The following CAMK4 variants were observed in gnomAD, a reference collection of about 807,000 sequenced individuals.
The protein encoded by CAMK4 is calcium/calmodulin-dependent protein kinase type IV.
Under a neutral mutation model 44.9 loss-of-function variants are expected in CAMK4, and 22 were observed. That is an observed-to-expected ratio of 0.49 (90% CI 0.35 to 0.70). The LOEUF is 0.70. CAMK4 is among the 30% of genes least tolerant of loss of function. CAMK4 has a pLI of 0.01. For synonymous variants in CAMK4, 218 were observed against 215.4 expected, an observed-to-expected ratio of 1.01 and a Z score of -0.11; for missense variants, 498 against 586.8, an observed-to-expected ratio of 0.85 and a Z score of 1.56.
intron 4 of CAMK4, among the ~76,000 whole-genome samples, chr5:111,381,837 TC>T (rs1751427518): frequency 6.6e-6 from 1 of 152,208 alleles, no homozygotes; most frequent in Non-Finnish European, 1.5e-5. Flanking sequence ...TAAATTTTTT[TC>T]ACAGACACTA....
chr5:111,224,597 C>G lies in CAMK4; in HGVS notation c.114C>G (p.Asn38Lys), dbSNP rs1490965209. The G allele has an allele frequency of 6.2e-7, 1 of 1,612,094 alleles. No individual in the cohort carries two copies. The highest frequency in any genetic ancestry group is 2.2e-5 in the East Asian group (1 of 44,728). ...CGGATTACTGGATCGACGGCTCCAA[C>G]AGGGATGCGCTGAGCGATTTCTTCG... ...LVPDYWIDGS[N>K]RDALSDFFEV... The change falls in exon 1 of 11, where the codon AAC becomes AAG. Residue 38 changes from asparagine to lysine, a missense_variant. This residue lies in a region of CAMK4 where 152 missense variants were observed against 143.7 expected (regional missense o/e 1.06). Coordinates refer to ENST00000282356, the MANE Select transcript of CAMK4 (RefSeq NM_001744.6). This position sits in a 1 kb window ranked among gnomAD's most constrained non-coding sequence, Gnocchi z 5.7.
At chr5:111,398,823 A>G (rs930914732) in intron 5 of CAMK4, among the ~76,000 whole-genome samples, 1 of 152,180 alleles carries the variant, frequency 6.6e-6, no homozygotes, top group Non-Finnish European at 1.5e-5. Flanking sequence ...GCTAAAACCT[A>G]GAATTCACCT....
At chr5:111,284,862 T>C (rs1384619767) in intron 1 of CAMK4, among the ~76,000 whole-genome samples, 4 of 152,216 alleles carry the variant, frequency 2.6e-5, no homozygotes, top group Non-Finnish European at 5.9e-5. Flanking sequence ...TCCTGATTTA[T>C]TTATCTTTTT....
intron 5 of CAMK4, among the ~76,000 whole-genome samples, chr5:111,415,143 A>G (rs1055333579): frequency 5.3e-5 from 8 of 152,210 alleles, no homozygotes; most frequent in Non-Finnish European, 1.2e-4. Flanking sequence ...AAATTACTAA[A>G]TGAAAAGTTC....
chr5:111,415,219 T>A (rs1752774506), intron 5 of CAMK4, among the ~76,000 whole-genome samples: 1 of 152,222 alleles, frequency 6.6e-6, no homozygotes, highest in Admixed American at 6.5e-5. Flanking sequence ...AATGAAATTT[T>A]GCGCCTCTGG....
chr5:111,460,941 G>A (rs1754622892), intron 7 of CAMK4, among the ~76,000 whole-genome samples: 1 of 151,866 alleles, frequency 6.6e-6, no homozygotes. Context: ...ATAAGATGAG[G>A]GAAATAAACA....
chr5:111,313,297 C>T (rs1370623431), intron 1 of CAMK4, among the ~76,000 whole-genome samples: 1 of 152,132 alleles, frequency 6.6e-6, no homozygotes, highest in African/African-American at 2.4e-5. Flanking sequence ...GCTGAATGTT[C>T]TCACTGTTCT....
chr5:111,397,784 G>A (rs1474183644), intron 5 of CAMK4, among the ~76,000 whole-genome samples: 1 of 151,678 alleles, frequency 6.6e-6, no homozygotes, highest in Non-Finnish European at 1.5e-5. Flanking sequence ...TCCTTTCTGG[G>A]ACAGTAGCAC....
intron 2 of CAMK4, among the ~76,000 whole-genome samples, chr5:111,369,562 A>G (rs148395697): frequency 0.011 from 1,747 of 152,270 alleles, 18 homozygotes; most frequent in Non-Finnish European, 0.018. Flanking sequence ...TTGTTTTGCA[A>G]ATCTCTTTAC....
At chr5:111,227,557 T>G (rs931354686) in intron 1 of CAMK4, among the ~76,000 whole-genome samples, 3 of 152,142 alleles carry the variant, frequency 2.0e-5, no homozygotes, top group Non-Finnish European at 4.4e-5. Context: ...CGGTGACCAC[T>G]GGGGCGATAC....
chr5:111,381,282 G>A (rs576612990), intron 4 of CAMK4, among the ~76,000 whole-genome samples: 55 of 152,180 alleles, frequency 3.6e-4, no homozygotes, highest in African/African-American at 1.3e-3. Context: ...ATTGACTCAC[G>A]CAGTCACAAG....
Position 111,296,002 on chromosome 5 carries a change from C to T in CAMK4, c.162-48022C>T, listed in dbSNP as rs534068894. Among the ~76,000 whole-genome samples the T allele has an allele frequency of 3.1e-4, 47 of 152,246 alleles. No individual in the cohort carries two copies. In the South Asian group the frequency reaches 8.9e-3, roughly 29 times the overall value. The stretch of plus-strand genomic sequence containing the variant: ...TGTATTAATGGTATAATATGATGAC[C>T]ATATATTCTCCTAGCTTTTTCATTT... On this transcript the variant is annotated intron_variant, in intron 1 of 10. Transcript: ENST00000282356.
chr5:111,425,077 G>A (rs1299197206), intron 5 of CAMK4, among the ~76,000 whole-genome samples: 1 of 151,316 alleles, frequency 6.6e-6, no homozygotes, highest in Non-Finnish European at 1.5e-5. Context: ...GTGGGAGGAT[G>A]GCTTGAATTC....
chr5:111,257,243 A>G (rs531336841), intron 1 of CAMK4, among the ~76,000 whole-genome samples: 14 of 152,362 alleles, frequency 9.2e-5, no homozygotes, highest in Non-Finnish European at 1.5e-4. Flanking sequence ...AATTTTTACC[A>G]TCTATCCACC....
chr5:111,453,926 G>A (rs1754324371), intron 7 of CAMK4, among the ~76,000 whole-genome samples: 1 of 152,116 alleles, frequency 6.6e-6, no homozygotes, highest in African/African-American at 2.4e-5. Flanking sequence ...CCCCTCCTGG[G>A]GTGTGTAGGT....
At chr5:111,287,061 T>C (rs978586737) in intron 1 of CAMK4, among the ~76,000 whole-genome samples, 4 of 152,220 alleles carry the variant, frequency 2.6e-5, no homozygotes, top group African/African-American at 9.6e-5. Flanking sequence ...AAGATGCTGA[T>C]TGGTGGAAAT....
chr5:111,459,807 A>G (rs1233887369), intron 7 of CAMK4, among the ~76,000 whole-genome samples: 2 of 146,756 alleles, frequency 1.4e-5, no homozygotes, highest in African/African-American at 2.6e-5. Context: ...GGTTCACGCC[A>G]TTCTCCTGCC....
chr5:111,277,837 A>T (rs1045970581), intron 1 of CAMK4, among the ~76,000 whole-genome samples: 1 of 152,146 alleles, frequency 6.6e-6, no homozygotes, highest in African/African-American at 2.4e-5. Context: ...AATGGTGAGA[A>T]TCTAGGATGT....
chr5:111,401,085 G>C (rs1246518663), intron 5 of CAMK4, among the ~76,000 whole-genome samples: 1 of 152,104 alleles, frequency 6.6e-6, no homozygotes, highest in South Asian at 2.1e-4. Flanking sequence ...TGACTTTGGA[G>C]CCTAGAGAAA....
Sources: allele counts gnomAD v4.1 joint callset (sites outside exome capture counted in the v4.1 genomes callset), GRCh38; gene constraint gnomAD v4.1.1; regional missense constraint gnomAD v4.1.1; non-coding constraint Gnocchi (gnomAD v3.1); transcripts MANE v1.5; gene names NCBI Gene and HGNC (gene_info 2026-07-23, HGNC 2026-07-21).